LEKR1: variants seen among roughly 807,000 people sequenced by gnomAD.
LEKR1 encodes protein LEKR1.
LEKR1 carries 59 observed loss-of-function variants against 72.4 expected under a neutral mutation model. The ratio of observed to expected loss-of-function variants is 0.82; its 90% CI spans 0.66 to 1.01. LEKR1 has a LOEUF of 1.01. LEKR1 is among the 50% of genes least tolerant of loss of function. LEKR1 has a pLI of 0.00. For missense variants in LEKR1, 728 were observed against 759.2 expected, an observed-to-expected ratio of 0.96 and a Z score of 0.48; for synonymous variants, 257 against 263.2, an observed-to-expected ratio of 0.98 and a Z score of 0.23.
chr3:157,029,667 C>T (rs950627339), intron 12 of LEKR1, among the ~76,000 whole-genome samples: 3 of 152,026 alleles, frequency 2.0e-5, no homozygotes, highest in Admixed American at 6.6e-5. Flanking sequence ...GAAGCCGCAC[C>T]CCTAGTTCAG....
chr3:156,942,495 T>C (rs1182573222), intron 5 of LEKR1, 34 bp from the exon 6 acceptor site: 2 of 718,050 alleles, frequency 2.8e-6, no homozygotes, highest in Middle Eastern at 4.6e-4. Flanking sequence ...GATTCAATTA[T>C]TGGCTATTTG....
intron 11 of LEKR1, among the ~76,000 whole-genome samples, chr3:157,025,291 A>T (rs1205069311): frequency 1.3e-5 from 2 of 152,206 alleles, no homozygotes; most frequent in Non-Finnish European, 2.9e-5. Flanking sequence ...ACTAAAGCAT[A>T]TACCCTTTAA....
At chr3:156,855,288 T>C (rs894196214) in intron 3 of LEKR1, among the ~76,000 whole-genome samples, 3 of 152,208 alleles carry the variant, frequency 2.0e-5, no homozygotes, top group African/African-American at 7.2e-5. Context: ...AAGTGACCAC[T>C]TTCCTACATT....
chr3:156,966,384 G>A (rs1412205259), intron 6 of LEKR1, among the ~76,000 whole-genome samples: 1 of 152,180 alleles, frequency 6.6e-6, no homozygotes, highest in East Asian at 1.9e-4. Flanking sequence ...CCTAGTAAAA[G>A]AAAGGGGTGA....
Position 157,035,736 on chromosome 3 carries a change from T to C in LEKR1, c.1668+7334T>C, listed in dbSNP as rs186638931. On this transcript the variant is annotated intron_variant, in intron 12 of 12. Coordinates refer to ENST00000356539, the MANE Select transcript of LEKR1 (RefSeq NM_001004316.3). ...CAACATGGTAAAACTCCGTCTCTAC[T>C]GAAAATACAAAAATTAGCCTGTCGT... 3.5e-3 allele frequency among the ~76,000 whole-genome samples: 526 copies of C among 152,158 alleles called. 2 individuals are homozygous for C. Among genetic ancestry groups the C allele is most frequent in the Admixed American group, 0.013 (198 of 15,276 alleles).
intron 12 of LEKR1, 56 bp from the exon 13 acceptor site, chr3:157,045,284 A>C: frequency 7.1e-7 from 1 of 1,403,092 alleles, no homozygotes; most frequent in Non-Finnish European, 9.8e-7. Context: ...GTAACTATCT[A>C]CTTATGTACA....
At chr3:156,828,036 G>A (rs1246966320) in intron 1 of LEKR1, among the ~76,000 whole-genome samples, 8 of 152,192 alleles carry the variant, frequency 5.3e-5, no homozygotes, top group Admixed American at 5.2e-4. Flanking sequence ...CCAAACATCA[G>A]ATTATGTTTG....
intron 6 of LEKR1, among the ~76,000 whole-genome samples, chr3:156,971,064 G>A (rs1729136684): frequency 6.6e-6 from 1 of 152,060 alleles, no homozygotes. Flanking sequence ...AAAGCTGGAG[G>A]CATCACGCTA....
At chr3:156,951,073 G>T (rs1727114586) in intron 6 of LEKR1, among the ~76,000 whole-genome samples, 1 of 151,584 alleles carries the variant, frequency 6.6e-6, no homozygotes. Context: ...TTCACATAAA[G>T]GGAGGTTGAA....
At chr3:156,883,709 A>G (rs1244755008) in intron 3 of LEKR1, among the ~76,000 whole-genome samples, 1 of 152,336 alleles carries the variant, frequency 6.6e-6, no homozygotes, top group East Asian at 1.9e-4. Flanking sequence ...GTCTGCTGCC[A>G]TGTAAGACAT....
intron 9 of LEKR1, among the ~76,000 whole-genome samples, chr3:156,999,301 GT>G (rs1731832371): frequency 6.6e-6 from 1 of 152,058 alleles, no homozygotes; most frequent in Non-Finnish European, 1.5e-5. Flanking sequence ...ATTTCAAGAG[GT>G]TTGTAGTCTC....
intron 5 of LEKR1, among the ~76,000 whole-genome samples, chr3:156,929,025 A>G (rs1444005444): frequency 6.6e-6 from 1 of 152,084 alleles, no homozygotes; most frequent in Non-Finnish European, 1.5e-5. Flanking sequence ...CAAATTAGCT[A>G]TCATAACAAT....
chr3:156,882,763 C>T (rs1243585124), intron 3 of LEKR1, among the ~76,000 whole-genome samples: 1 of 152,128 alleles, frequency 6.6e-6, no homozygotes, highest in Non-Finnish European at 1.5e-5. Flanking sequence ...AAATGTCCAA[C>T]AATGATAGAC....
intron 4 of LEKR1, among the ~76,000 whole-genome samples, chr3:156,921,736 A>G (rs1724218227): frequency 6.6e-6 from 1 of 152,122 alleles, no homozygotes; most frequent in South Asian, 2.1e-4. Context: ...GGCTCATCTG[A>G]TTTATCCACC....
chr3:157,017,952 A>AAAAAAAAAAAAAAAAAAAAAG (rs1208623053), intron 10 of LEKR1, among the ~76,000 whole-genome samples: 1 of 75,148 alleles, frequency 1.3e-5, no homozygotes, highest in African/African-American at 3.0e-5. Flanking sequence ...CTGTCTCAAA[A>AAAAAAAAAAAAAAAAAAAAAG]AAAAAAAAAA....
intron 4 of LEKR1, among the ~76,000 whole-genome samples, chr3:156,922,147 T>C (rs1724255538): frequency 6.6e-6 from 1 of 152,158 alleles, no homozygotes; most frequent in Admixed American, 6.5e-5. Flanking sequence ...CAGTTTGTAA[T>C]AGATGAATAG....
intron 7 of LEKR1, among the ~76,000 whole-genome samples, chr3:156,991,650 G>C (rs1311824326): frequency 2.6e-5 from 4 of 151,994 alleles, no homozygotes; most frequent in Non-Finnish European, 4.4e-5. Flanking sequence ...TTTTCTTTCA[G>C]TTTTAGATCT....
chr3:156,878,843 G>C (rs1340598827), intron 3 of LEKR1, among the ~76,000 whole-genome samples: 1 of 152,112 alleles, frequency 6.6e-6, no homozygotes, highest in East Asian at 1.9e-4. Context: ...TCATGGTAGT[G>C]AATAAGTCTC....
chr3:156,900,729 C>T (rs750162593), intron 3 of LEKR1, among the ~76,000 whole-genome samples: 12 of 152,032 alleles, frequency 7.9e-5, no homozygotes, highest in South Asian at 4.1e-4. Flanking sequence ...TATATTTTTG[C>T]GTGATTTGAT....
Sources: allele counts gnomAD v4.1 joint callset (sites outside exome capture counted in the v4.1 genomes callset), GRCh38; gene constraint gnomAD v4.1.1; transcripts MANE v1.5; gene names NCBI Gene and HGNC (gene_info 2026-07-23, HGNC 2026-07-21).